The following ANKRD45 variants were observed in gnomAD, a reference collection of about 807,000 sequenced individuals.
ANKRD45 encodes the protein ankyrin repeat domain 45, also known as ankyrin repeat domain-containing protein 45.
ANKRD45 carries 21 observed loss-of-function variants against 28.1 expected under a neutral mutation model. The ratio of observed to expected loss-of-function variants is 0.75; its 90% CI spans 0.53 to 1.08. The LOEUF is 1.08. Ranked by LOEUF, ANKRD45 falls within the 50% of genes least tolerant of loss-of-function variation. The pLI is 0.00. For synonymous variants in ANKRD45, 86 were observed against 103.9 expected, an observed-to-expected ratio of 0.83 and a Z score of 1.05; for missense variants, 261 against 308.7, an observed-to-expected ratio of 0.85 and a Z score of 1.16.
At chr1:173,698,186 C>A in the ANKRD45 span, among the ~76,000 whole-genome samples, 1 of 152,104 alleles carries the variant, frequency 6.6e-6, no homozygotes, top group Admixed American at 6.5e-5. Context: ...TAGAGACCTA[C>A]AAAGAGACTT....
chr1:173,683,878 A>G, the ANKRD45 span, among the ~76,000 whole-genome samples: 2 of 152,230 alleles, frequency 1.3e-5, no homozygotes, highest in Non-Finnish European at 2.9e-5. Context: ...GTGTGCCCTT[A>G]CAGATGGAGC....
chr1:173,656,114 A>C (rs1032752526), intron 2 of ANKRD45, among the ~76,000 whole-genome samples: 3 of 152,164 alleles, frequency 2.0e-5, no homozygotes, highest in African/African-American at 7.2e-5. Flanking sequence ...GCTGCACCCA[A>C]TGTCCAACCA....
At chr1:173,646,728 G>GT in intron 3 of ANKRD45, 118 bp downstream of exon 3, 3 of 990,776 alleles carry the variant, frequency 3.0e-6, no homozygotes, top group Non-Finnish European at 4.5e-6. Flanking sequence ...ATCACCAACT[G>GT]TGACTGTGGT....
chr1:173,628,858 C>A (rs764784693), intron 3 of ANKRD45, among the ~76,000 whole-genome samples: 7 of 152,174 alleles, frequency 4.6e-5, no homozygotes, highest in Non-Finnish European at 8.8e-5. Flanking sequence ...TCAGGTCTGA[C>A]CCAGGGCAGT....
chr1:173,701,583 A>G, the ANKRD45 span, among the ~76,000 whole-genome samples: 1 of 152,176 alleles, frequency 6.6e-6, no homozygotes, highest in African/African-American at 2.4e-5. Context: ...AAAACCAAAC[A>G]TGACATGTTC....
intron 3 of ANKRD45, chr1:173,635,394 C>T: frequency 2.7e-6 from 2 of 747,814 alleles, no homozygotes; most frequent in Non-Finnish European, 2.1e-6. Context: ...ACCATTTTAA[C>T]TAATAGCTCC....
chr1:173,624,409 C>T (rs1304697362), intron 5 of ANKRD45, among the ~76,000 whole-genome samples: 1 of 151,764 alleles, frequency 6.6e-6, no homozygotes, highest in African/African-American at 2.4e-5. Context: ...ATCACTTGAG[C>T]TCAGGAGGTG....
chr1:173,681,933 C>T, the ANKRD45 span, among the ~76,000 whole-genome samples: 1 of 151,804 alleles, frequency 6.6e-6, no homozygotes, highest in East Asian at 1.9e-4. Context: ...ACCTATAGTC[C>T]CAGCTACTTG....
upstream of ANKRD45, among the ~76,000 whole-genome samples, chr1:173,671,779 G>A (rs927335902): frequency 6.6e-6 from 1 of 151,734 alleles, no homozygotes. Context: ...CTCCTTGGGA[G>A]GATGAGGCAG....
the ANKRD45 span, among the ~76,000 whole-genome samples, chr1:173,681,216 C>G: frequency 6.6e-6 from 1 of 152,032 alleles, no homozygotes; most frequent in Non-Finnish European, 1.5e-5. Context: ...TTAAATCAAT[C>G]CCTTAAGAAA....
At chr1:173,633,464 G>A (rs568175928) in intron 3 of ANKRD45, among the ~76,000 whole-genome samples, 147 of 151,492 alleles carry the variant, frequency 9.7e-4, no homozygotes, top group Non-Finnish European at 1.5e-3. Context: ...AAATACCAAC[G>A]ACATGCTTCA....
chr1:173,672,169 T>C (rs1670281182), upstream of ANKRD45, among the ~76,000 whole-genome samples: 1 of 152,182 alleles, frequency 6.6e-6, no homozygotes, highest in African/African-American at 2.4e-5. Flanking sequence ...AGAATAAATT[T>C]GAATTTTTTC....
chr1:173,617,484 G>A (rs1026080432), intron 5 of ANKRD45, among the ~76,000 whole-genome samples: 4 of 152,202 alleles, frequency 2.6e-5, no homozygotes, highest in Non-Finnish European at 5.9e-5. Context: ...GAGGAGTCCT[G>A]CACAATGCAG....
At chr1:173,627,017 C>T in intron 4 of ANKRD45, 48 bp downstream of exon 4, 2 of 1,395,444 alleles carry the variant, frequency 1.4e-6, no homozygotes, top group Non-Finnish European at 2.0e-6. Flanking sequence ...AAATGTAAGA[C>T]AAAATTCTCA....
At chr1:173,689,697 C>T in the ANKRD45 span, among the ~76,000 whole-genome samples, 1 of 152,048 alleles carries the variant, frequency 6.6e-6, no homozygotes, top group East Asian at 1.9e-4. Flanking sequence ...AGAAAGATTT[C>T]GAGTTCAGGG....
chr1:173,642,700 T>C (rs2102352523), intron 3 of ANKRD45, among the ~76,000 whole-genome samples: 1 of 152,360 alleles, frequency 6.6e-6, no homozygotes, highest in Non-Finnish European at 1.5e-5. Context: ...TTCTCTTTCC[T>C]TATTTGTAAG....
At chr1:173,667,664 C>T (rs757203567) in intron 1 of ANKRD45, 2 of 401,884 alleles carry the variant, frequency 5.0e-6, no homozygotes, top group Non-Finnish European at 9.7e-6. Flanking sequence ...TAAGATCACC[C>T]CACTGCACTC....
chr1:173,667,763 A>G (rs1420381365), intron 1 of ANKRD45: 1 of 424,108 alleles, frequency 2.4e-6, no homozygotes, highest in African/African-American at 2.1e-5. Flanking sequence ...TGCAGTCACA[A>G]AAATGTGCAC....
At chr1:173,651,383 G>T (rs1669212567) in intron 2 of ANKRD45, among the ~76,000 whole-genome samples, 1 of 152,148 alleles carries the variant, frequency 6.6e-6, no homozygotes, top group Admixed American at 6.5e-5. Flanking sequence ...TGTCGGGTTT[G>T]TCAAAGATCA....
Sources: gnomAD v4.1 joint callset for allele counts (sites outside exome capture counted in the v4.1 genomes callset) on GRCh38, gnomAD v4.1.1 for gene constraint, MANE v1.5 for transcripts, NCBI Gene and HGNC (gene_info 2026-07-23, HGNC 2026-07-21) for gene names.